The following GAP43 variants were observed in gnomAD, a reference collection of about 807,000 sequenced individuals.
GAP43 encodes the protein growth associated protein 43.
GAP43 carries 6 observed loss-of-function variants against 18.6 expected under a neutral mutation model. The ratio of observed to expected loss-of-function variants is 0.32; its 90% CI spans 0.18 to 0.64. The LOEUF is 0.64. GAP43 is among the 30% of genes least tolerant of loss of function. The probability of loss-of-function intolerance (pLI) is 0.78; values close to 1 mark genes in which losing one functional copy is unlikely to be tolerated. For missense variants in GAP43, 292 were observed against 295.5 expected, an observed-to-expected ratio of 0.99 and a Z score of 0.09; for synonymous variants, 115 against 111.4, an observed-to-expected ratio of 1.03 and a Z score of -0.20.
rs1053546778 is a variant in GAP43 at position 115,663,664 on chromosome 3, A to G, written c.31-12349A>G. 4.2e-6 allele frequency: 6 copies of G among 1,435,864 alleles called. No homozygotes were observed. The Admixed American group carries it at 1.2e-4, about 28-fold the overall frequency. The allele number at this position is 1,435,864 out of a possible 1,614,324, so 88.9% of individuals were successfully genotyped here. ...CCTCAGCCCTTGCTTAAAAAATTTT[A>G]TTTCTACTTTTCTATTGTAAAGAGA... On this transcript the variant is annotated intron_variant, in intron 1 of 2. Coordinates refer to ENST00000305124, the MANE Select transcript of GAP43 (RefSeq NM_002045.4).
chr3:115,661,790 A>G (rs558590686), intron 1 of GAP43, among the ~76,000 whole-genome samples: 5 of 141,450 alleles, frequency 3.5e-5, no homozygotes, highest in East Asian at 4.5e-4. Context: ...ACCCAGCAAT[A>G]TGACTTTGAA....
chr3:115,641,025 G>GTTTTTTTTTTTTTTT (rs755356206), intron 1 of GAP43, among the ~76,000 whole-genome samples: 1 of 49,008 alleles, frequency 2.0e-5, no homozygotes, highest in Non-Finnish European at 4.5e-5. Flanking sequence ...GCTTTATTCT[G>GTTTTTTTTTTTTTTT]TTTTTTTTTT....
rs746074863 is a variant in GAP43 at position 115,720,879 on chromosome 3, C to A, written c.714C>A (p.Ala238=). ...EEEPEADQEH[A] is the part of the protein sequence containing the mutation. ...AACCTGAGGCTGACCAAGAACATGCCTGAACTCTAAGAAATGGCTTTCCAC... is the reference window on the plus strand; with the variant it reads ...AACCTGAGGCTGACCAAGAACATGCATGAACTCTAAGAAATGGCTTTCCAC... Residue 238 remains alanine, a synonymous_variant, in exon 3 of 3, where the codon GCC becomes GCA. Coordinates refer to ENST00000305124, the MANE Select transcript of GAP43 (RefSeq NM_002045.4). The A allele has an allele frequency of 8.1e-6, 13 of 1,609,978 alleles. No individual in the cohort carries two copies. The highest frequency in any genetic ancestry group is 1.7e-5 in the Admixed American group (1 of 59,878).
chr3:115,657,333 A>G (rs77389034), intron 1 of GAP43, among the ~76,000 whole-genome samples: 146 of 152,352 alleles, frequency 9.6e-4, no homozygotes, highest in African/African-American at 3.4e-3. Flanking sequence ...AGAAAGGAAC[A>G]CTGGGTGAGA....
intron 2 of GAP43, among the ~76,000 whole-genome samples, chr3:115,715,629 A>G (rs907591183): frequency 1.3e-5 from 2 of 152,240 alleles, no homozygotes; most frequent in African/African-American, 4.8e-5. Flanking sequence ...ACAAAATACT[A>G]AAGATTACAT....
At chr3:115,683,126 C>T (rs565019245) in intron 2 of GAP43, among the ~76,000 whole-genome samples, 36 of 28,624 alleles carry the variant, frequency 1.3e-3, no homozygotes, top group Middle Eastern at 0.021. Context: ...CATACATGTG[C>T]GCGCGCGTGC....
chr3:115,654,474 T>G (rs1397248901), intron 1 of GAP43, among the ~76,000 whole-genome samples: 1 of 152,194 alleles, frequency 6.6e-6, no homozygotes, highest in African/African-American at 2.4e-5. Context: ...TAGCAGTCTT[T>G]TTTTTAAAAG....
intron 1 of GAP43, among the ~76,000 whole-genome samples, chr3:115,649,740 GT>G (rs1290678717): frequency 6.6e-6 from 1 of 150,550 alleles, no homozygotes; most frequent in African/African-American, 2.4e-5. Context: ...ACTCAGTAGG[GT>G]GAAGCAGGAG....
intron 2 of GAP43, among the ~76,000 whole-genome samples, chr3:115,685,552 G>A (rs1035583871): frequency 2.0e-5 from 3 of 152,186 alleles, no homozygotes; most frequent in Non-Finnish European, 2.9e-5. Flanking sequence ...CATAATTTGT[G>A]TACAGCCTGT....
intron 1 of GAP43, among the ~76,000 whole-genome samples, chr3:115,624,741 C>A (rs1351371578): frequency 6.6e-6 from 1 of 152,028 alleles, no homozygotes; most frequent in Non-Finnish European, 1.5e-5. Flanking sequence ...GAAGGAATGA[C>A]GAGTGTGGTA....
chr3:115,626,800 C>T (rs1281340227), intron 1 of GAP43, among the ~76,000 whole-genome samples: 1 of 152,078 alleles, frequency 6.6e-6, no homozygotes, highest in Admixed American at 6.6e-5. Flanking sequence ...TTTCCTCATG[C>T]AACAAATAAA....
chr3:115,640,390 C>A (rs535579479), intron 1 of GAP43, among the ~76,000 whole-genome samples: 2 of 151,956 alleles, frequency 1.3e-5, no homozygotes, highest in African/African-American at 4.8e-5. Flanking sequence ...TTGAGAGACC[C>A]GCCAGTCATG....
At chr3:115,662,391 AT>A in intron 1 of GAP43, among the ~76,000 whole-genome samples, 1 of 152,130 alleles carries the variant, frequency 6.6e-6, no homozygotes. Context: ...CTGCAGAGGT[AT>A]CAGGCAACTT....
chr3:115,653,690 G>A (rs2107476722), intron 1 of GAP43, among the ~76,000 whole-genome samples: 1 of 152,270 alleles, frequency 6.6e-6, no homozygotes, highest in Non-Finnish European at 1.5e-5. Flanking sequence ...CATGCCACAT[G>A]CTTCTTAATC....
rs565024245 is a variant in GAP43, at chr3:115,680,784, G to A, written c.628+4174G>A. Among the ~76,000 whole-genome samples the A allele has an allele frequency of 7.2e-4, 109 of 152,268 alleles. 1 individual carries two copies. Among genetic ancestry groups the A allele is most frequent in the African/African-American group, 2.3e-3 (97 of 41,562 alleles). On this transcript the variant is annotated intron_variant, in intron 2 of 2. Coordinates refer to ENST00000305124, the MANE Select transcript of GAP43 (RefSeq NM_002045.4). ...TTAGAATTTCTAGAATGATAATTGTGTATAAGAAAATGAAATACCCAGCTC... is the reference window on the plus strand; with the variant it reads ...TTAGAATTTCTAGAATGATAATTGTATATAAGAAAATGAAATACCCAGCTC...
chr3:115,706,813 A>T (rs1709370094), intron 2 of GAP43, among the ~76,000 whole-genome samples: 1 of 152,208 alleles, frequency 6.6e-6, no homozygotes, highest in East Asian at 1.9e-4. Flanking sequence ...ATTTGAAGAC[A>T]GTTTCTCTTT....
At chr3:115,680,379 C>T (rs1708946326) in intron 2 of GAP43, among the ~76,000 whole-genome samples, 1 of 152,162 alleles carries the variant, frequency 6.6e-6, no homozygotes, top group South Asian at 2.1e-4. Context: ...TCACCTGAGC[C>T]CGGGAGGTCA....
chr3:115,678,197 A>G (rs1167425087), intron 2 of GAP43, among the ~76,000 whole-genome samples: 2 of 152,204 alleles, frequency 1.3e-5, no homozygotes, highest in Non-Finnish European at 2.9e-5. Context: ...TTTGAGCCTC[A>G]GGTATGATGT....
chr3:115,708,850 T>C (rs1394486328), intron 2 of GAP43, among the ~76,000 whole-genome samples: 1 of 151,122 alleles, frequency 6.6e-6, no homozygotes, highest in Non-Finnish European at 1.5e-5. Context: ...ACAAGGAATG[T>C]AGGACATCTG....
Sources: allele counts gnomAD v4.1 joint callset (sites outside exome capture counted in the v4.1 genomes callset), GRCh38; gene constraint gnomAD v4.1.1; transcripts MANE v1.5; gene names NCBI Gene and HGNC (gene_info 2026-07-23, HGNC 2026-07-21).